The following RELN variants were observed in gnomAD, a reference collection of about 807,000 sequenced individuals.
RELN encodes the protein reelin.
RELN carries 108 observed loss-of-function variants against 427.6 expected under a neutral mutation model. That is an observed-to-expected ratio of 0.25 (90% CI 0.22 to 0.30). The LOEUF (loss-of-function observed/expected upper bound fraction) is 0.30, where lower values mean the gene tolerates loss of function less well. Among genes scored for constraint, RELN ranks in the 10% least tolerant of loss-of-function variants. The pLI is 1.00. For synonymous variants in RELN, 1,524 were observed against 1,513.4 expected (o/e 1.01, Z -0.16); for missense variants, 3,715 against 4,302.8 (o/e 0.86, Z 3.82).
At chr7:103,867,829 T>A (rs1187994156) in intron 2 of RELN, among the ~76,000 whole-genome samples, 2 of 151,990 alleles carry the variant, frequency 1.3e-5, no homozygotes, top group Admixed American at 6.6e-5. Context: ...ATGACCGATT[T>A]TTTTTCTGTG....
chr7:103,737,166 T>C (rs1193715961), intron 6 of RELN, among the ~76,000 whole-genome samples: 4 of 152,050 alleles, frequency 2.6e-5, no homozygotes, highest in African/African-American at 9.7e-5. Context: ...CTGGCAAGGG[T>C]ATGTCATCAG....
At chr7:103,673,917 T>C (rs2115642272) in intron 11 of RELN, among the ~76,000 whole-genome samples, 1 of 151,844 alleles carries the variant, frequency 6.6e-6, no homozygotes, top group African/African-American at 2.4e-5. Context: ...ACCTTTCTCC[T>C]CCTCTTCCCT....
Position 103,565,265 on chromosome 7 carries a change from T to C in RELN, c.5210+13A>G, listed in dbSNP as rs768491300. 5.0e-6 allele frequency: 8 copies of C among 1,614,012 alleles called. No individual in the cohort carries two copies. The highest frequency in any genetic ancestry group is 1.1e-5 in the South Asian group (1 of 91,072). On this transcript the variant is annotated intron_variant, in intron 34 of 64. Coordinates refer to ENST00000428762, the MANE Select transcript of RELN (RefSeq NM_005045.4). ...CCCAAAGTTCTGACATGTAGCCAAATGACAATTCTCACATGGTGGAGAGTG... is the reference window on the plus strand; with the variant it reads ...CCCAAAGTTCTGACATGTAGCCAAACGACAATTCTCACATGGTGGAGAGTG...
At chr7:103,604,843 T>TTC (rs1831778514) in intron 22 of RELN, among the ~76,000 whole-genome samples, 1 of 151,564 alleles carries the variant, frequency 6.6e-6, no homozygotes, top group African/African-American at 2.4e-5. Flanking sequence ...TTTTTTTTTT[T>TTC]TTTTGAGACA....
rs773680003 is a variant in RELN at position 103,989,149 on chromosome 7, G to T, written c.208C>A (p.Pro70Thr). The change falls in exon 1 of 65, where the codon CCG becomes ACG. Residue 70 changes from proline (P) to threonine (T), a missense_variant. Physicochemically the swap from Pro to Thr is conservative, Grantham distance 38. Coordinates refer to ENST00000428762, the MANE Select transcript of RELN (RefSeq NM_005045.4). This position sits in a 1 kb window ranked among gnomAD's most constrained non-coding sequence, Gnocchi z 4.9. ...TACCTACCATGGTATTCTTGTCCCG[G>T]AACGTAGTAGGTGGGGTTGCCCGCA... ...HIAGNPTYYV[P>T]GQEYHVTIST... 9.3e-6 allele frequency: 15 copies of T among 1,614,036 alleles called. No individual in the cohort carries two copies. The highest frequency in any genetic ancestry group is 3.3e-5 in the Admixed American group (2 of 60,034).
intron 16 of RELN, among the ~76,000 whole-genome samples, chr7:103,644,477 T>C (rs1457975888): frequency 3.3e-5 from 5 of 149,702 alleles, no homozygotes; most frequent in East Asian, 2.0e-4. Context: ...ATTGAAGGAA[T>C]TACAAAACAT....
intron 30 of RELN, 109 bp from the exon 31 acceptor site, chr7:103,572,369 C>G: frequency 1.4e-6 from 1 of 694,406 alleles, no homozygotes; most frequent in Non-Finnish European, 2.6e-6. Context: ...TTAAGTACTA[C>G]TTTCAAACTC....
At chr7:103,958,612 T>A (rs942484292) in intron 1 of RELN, among the ~76,000 whole-genome samples, 4 of 152,118 alleles carry the variant, frequency 2.6e-5, no homozygotes, top group Non-Finnish European at 5.9e-5. Flanking sequence ...TGTATGGGTG[T>A]ACTTTTTGTC....
intron 49 of RELN, among the ~76,000 whole-genome samples, chr7:103,518,150 G>A (rs56331323): frequency 0.047 from 7,161 of 152,006 alleles, 240 homozygotes; most frequent in East Asian, 0.17. Flanking sequence ...TTTTGGGGAT[G>A]TAATTTACAT....
At chr7:103,740,792 T>C (rs891064144) in intron 6 of RELN, among the ~76,000 whole-genome samples, 1 of 152,234 alleles carries the variant, frequency 6.6e-6, no homozygotes, top group African/African-American at 2.4e-5. Flanking sequence ...ATAACTAGTT[T>C]CTTAATTTCT....
At chr7:103,783,354 A>G (rs1443177306) in intron 3 of RELN, among the ~76,000 whole-genome samples, 1 of 152,100 alleles carries the variant, frequency 6.6e-6, no homozygotes, top group East Asian at 1.9e-4. Context: ...TTCAAAACCC[A>G]TAAAAAAGAG....
At chr7:103,817,937 CAAAAAAAA>C (rs71154371) in intron 3 of RELN, among the ~76,000 whole-genome samples, 7 of 36,022 alleles carry the variant, frequency 1.9e-4, no homozygotes, top group Middle Eastern at 0.029. Flanking sequence ...GACTCCATCT[CAAAAAAAA>C]AAAAAAAAAA....
chr7:103,472,292 C>G lies in RELN; in HGVS notation c.*520G>C, dbSNP rs1198460411. The G allele has an allele frequency of 1.2e-5, 2 of 162,616 alleles. No individual in the cohort carries two copies. The highest frequency in any genetic ancestry group is 2.4e-5 in the African/African-American group (1 of 41,438). The allele number at this position is 162,616 out of a possible 1,614,324, so 10.1% of individuals were successfully genotyped here. A position where few individuals can be genotyped will look rare whatever the true frequency, so the allele number is the denominator to read the frequency against. ...ATTTTCTGCAGAATATAAGTAGCCC[C>G]AAATTCAGCAGCAAAATATTACAAC... On this transcript the variant is annotated 3_prime_UTR_variant, in exon 65 of 65. Coordinates refer to ENST00000428762, the MANE Select transcript of RELN (RefSeq NM_005045.4).
At chr7:103,492,469 C>A (rs1306923045) in intron 57 of RELN, among the ~76,000 whole-genome samples, 1 of 152,102 alleles carries the variant, frequency 6.6e-6, no homozygotes, top group Non-Finnish European at 1.5e-5. Flanking sequence ...TTGGGGTTTT[C>A]TGTATTTCCA....
At chr7:103,534,506 G>C (rs1393301138) in intron 46 of RELN, among the ~76,000 whole-genome samples, 1 of 139,404 alleles carries the variant, frequency 7.2e-6, no homozygotes, top group African/African-American at 2.8e-5. Context: ...TTTTTTTTTT[G>C]AGACAGGGTC....
Position 103,486,369 on chromosome 7 carries a change from CTTTAATA to C in RELN, c.9804_9810del (p.Tyr3268Ter). 1 of 1,614,116 alleles carries C rather than the reference CTTTAATA, an allele frequency of 6.2e-7. No individual in the cohort carries two copies. Among genetic ancestry groups the C allele is most frequent in the Non-Finnish European group, 8.5e-7 (1 of 1,180,000 alleles). ...GTGACTCTTGCGGACTCAAAATTAT[CTTTAATA>C]TAACTGGGAAGGTCGTGACTGAAAA... On this transcript the variant is annotated frameshift_variant, in exon 61 of 65. Transcript: ENST00000428762. LOFTEE classifies it high-confidence loss of function.
intron 12 of RELN, among the ~76,000 whole-genome samples, chr7:103,660,089 AATG>A (rs1364899730): frequency 8.5e-5 from 13 of 152,212 alleles, no homozygotes; most frequent in African/African-American, 1.9e-4. Flanking sequence ...GAACTTATAT[AATG>A]ATGACTTAAT....
chr7:103,773,133 T>TTTCC (rs1791621114), intron 4 of RELN, among the ~76,000 whole-genome samples: 1 of 99,456 alleles, frequency 1.0e-5, no homozygotes, highest in Non-Finnish European at 2.3e-5. Flanking sequence ...TCTTTCTTTC[T>TTTCC]TTCTTTCTTT....
chr7:103,531,875 G>A (rs1330506305), intron 46 of RELN, among the ~76,000 whole-genome samples: 1 of 152,192 alleles, frequency 6.6e-6, no homozygotes, highest in Non-Finnish European at 1.5e-5. Flanking sequence ...AACCATTGTG[G>A]AAGACAGTGT....
Sources: allele counts gnomAD v4.1 joint callset (sites outside exome capture counted in the v4.1 genomes callset), GRCh38; gene constraint gnomAD v4.1.1; non-coding constraint Gnocchi (gnomAD v3.1); transcripts MANE v1.5; gene names NCBI Gene and HGNC (gene_info 2026-07-23, HGNC 2026-07-21).